CAPZB: variants seen among roughly 807,000 people sequenced by gnomAD.
CAPZB encodes capping actin protein of muscle Z-line subunit beta, also known as F-actin-capping protein subunit beta.
Under a neutral mutation model 38.1 loss-of-function variants are expected in CAPZB, and 2 were observed. The ratio of observed to expected loss-of-function variants is 0.05; its 90% CI spans 0.02 to 0.17. The LOEUF is 0.17. CAPZB is among the 10% of genes least tolerant of loss of function. The pLI, the probability that CAPZB is intolerant of heterozygous loss-of-function variation, is 1.00. For missense variants in CAPZB, 161 were observed against 334.2 expected (o/e 0.48, Z 4.04); for synonymous variants, 107 against 127.4 (o/e 0.84, Z 1.08).
rs577851250 is a variant in CAPZB, at chr1:19,379,252, C to T, written c.216-599G>A. Among the ~76,000 whole-genome samples the T allele has an allele frequency of 1.5e-4, 23 of 152,234 alleles. No homozygotes were observed. The East Asian group carries it at 4.1e-3, about 27-fold the overall frequency. ...TAGCTGGAATTGCAGGTGCAAGCCA[C>T]CAGGCCCAGCTAATTTTTGTATTTT... On this transcript the variant is annotated intron_variant, in intron 3 of 8. Coordinates refer to ENST00000264202, the MANE Select transcript of CAPZB (RefSeq NM_004930.5).
chr1:19,381,330 CAT>C (rs1486986710), intron 3 of CAPZB, among the ~76,000 whole-genome samples: 1 of 146,280 alleles, frequency 6.8e-6, no homozygotes, highest in African/African-American at 2.5e-5. Flanking sequence ...TCATGCCTGT[CAT>C]ATCCTTGCCC....
At chr1:19,385,827 G>C (rs2094201133) in intron 2 of CAPZB, 2 of 734,086 alleles carry the variant, frequency 2.7e-6, no homozygotes, top group Middle Eastern at 5.1e-4. Context: ...ACCCATTCTT[G>C]AATTACAGTG....
chr1:19,423,356 G>A (rs17398986), intron 1 of CAPZB, among the ~76,000 whole-genome samples: 23,891 of 151,806 alleles, frequency 0.16, 2,361 homozygotes, highest in South Asian at 0.24. Context: ...AAACGGTACC[G>A]GAGAATGAAG....
chr1:19,346,454 A>T (rs1345642503), intron 6 of CAPZB, among the ~76,000 whole-genome samples: 2 of 78,286 alleles, frequency 2.6e-5, no homozygotes, highest in Non-Finnish European at 5.8e-5. Flanking sequence ...AGAGAAGCTA[A>T]AAAAAAAAAA....
intron 1 of CAPZB, among the ~76,000 whole-genome samples, chr1:19,458,532 T>C (rs2100728277): frequency 6.6e-6 from 1 of 152,316 alleles, no homozygotes; most frequent in Admixed American, 6.5e-5. Context: ...TTTTTTGTAC[T>C]TTTAGTAGAG....
At chr1:19,477,714 C>T (rs1306287311) in intron 1 of CAPZB, among the ~76,000 whole-genome samples, 1 of 152,208 alleles carries the variant, frequency 6.6e-6, no homozygotes, top group Non-Finnish European at 1.5e-5. Context: ...TAATTGGAAG[C>T]TCCAGCAGAT....
intron 6 of CAPZB, among the ~76,000 whole-genome samples, chr1:19,355,104 T>A (rs1391293293): frequency 1.3e-5 from 2 of 151,862 alleles, no homozygotes; most frequent in East Asian, 3.9e-4. Context: ...GGAGGGAGGG[T>A]CCCAGGTATG....
intron 1 of CAPZB, among the ~76,000 whole-genome samples, chr1:19,467,775 C>G (rs2094573658): frequency 6.6e-6 from 1 of 152,228 alleles, no homozygotes; most frequent in African/African-American, 2.4e-5. Context: ...GCCCAAATGA[C>G]CAGGGCTGTT....
At chr1:19,426,993 C>T (rs2094425292) in intron 1 of CAPZB, among the ~76,000 whole-genome samples, 1 of 151,974 alleles carries the variant, frequency 6.6e-6, no homozygotes, top group African/African-American at 2.4e-5. Flanking sequence ...AGGAGGAGAG[C>T]CAAAGACTTT....
At chr1:19,376,756 C>T (rs1202849732) in intron 4 of CAPZB, among the ~76,000 whole-genome samples, 4 of 152,230 alleles carry the variant, frequency 2.6e-5, no homozygotes, top group Admixed American at 6.5e-5. Context: ...TCATCTACCA[C>T]GTACGAGGTG....
At chr1:19,370,429 G>A (rs2094113949) in intron 4 of CAPZB, among the ~76,000 whole-genome samples, 1 of 152,218 alleles carries the variant, frequency 6.6e-6, no homozygotes, top group South Asian at 2.1e-4. Flanking sequence ...CCAGGCACCA[G>A]CTTTCAACGT....
chr1:19,418,380 C>T (rs924584873), intron 2 of CAPZB, among the ~76,000 whole-genome samples: 1 of 152,092 alleles, frequency 6.6e-6, no homozygotes, highest in African/African-American at 2.4e-5. Context: ...GGCCGGGGAC[C>T]CCTGATCCTG....
At position 19,457,971 on chromosome 1, in the gene CAPZB, G is replaced by A. The variant is rs139139965; in HGVS notation, c.3+27465C>T. On this transcript the variant is annotated intron_variant, in intron 1 of 8. Transcript: ENST00000264202. ...GCCAGTAAGCAATGATGGTTGTAAG[G>A]ACTTCCTGATAATGTGGGAAAAGTC... 5.4e-3 allele frequency among the ~76,000 whole-genome samples: 824 copies of A among 152,146 alleles called. 3 individuals are homozygous for A. Among genetic ancestry groups the A allele is most frequent in the Non-Finnish European group, 7.7e-3 (521 of 68,004 alleles).
intron 1 of CAPZB, among the ~76,000 whole-genome samples, chr1:19,470,293 T>C (rs1377118905): frequency 1.3e-5 from 2 of 152,186 alleles, no homozygotes; most frequent in Non-Finnish European, 2.9e-5. Context: ...ACAACCACTT[T>C]CTCCAGTGTC....
At chr1:19,403,105 C>T (rs965799552) in intron 2 of CAPZB, among the ~76,000 whole-genome samples, 7 of 152,128 alleles carry the variant, frequency 4.6e-5, no homozygotes, top group Admixed American at 1.3e-4. Flanking sequence ...GGTTATCTGG[C>T]TCCCACCGTG....
chr1:19,469,675 T>C (rs6681041), intron 1 of CAPZB, among the ~76,000 whole-genome samples: 149,143 of 151,078 alleles, frequency 0.99, 73,647 homozygotes, highest in East Asian at 1. Flanking sequence ...AGAGAAAAAA[T>C]ACTCTACACT....
chr1:19,382,679 A>G (rs2100445525), intron 3 of CAPZB, among the ~76,000 whole-genome samples: 1 of 152,284 alleles, frequency 6.6e-6, no homozygotes, highest in East Asian at 1.9e-4. Context: ...GTGACCTGGA[A>G]GGGCTGCAGG....
chr1:19,425,049 C>T (rs2100543837), intron 1 of CAPZB, among the ~76,000 whole-genome samples: 1 of 152,360 alleles, frequency 6.6e-6, no homozygotes, highest in Non-Finnish European at 1.5e-5. Flanking sequence ...TCACAATACA[C>T]TGATTTGTAC....
intron 4 of CAPZB, among the ~76,000 whole-genome samples, chr1:19,361,140 G>T (rs1046816749): frequency 6.6e-5 from 10 of 152,142 alleles, no homozygotes; most frequent in African/African-American, 2.4e-4. Context: ...TAACAGCAAG[G>T]ATAGTATTCA....
Sources: gnomAD v4.1 joint callset for allele counts (sites outside exome capture counted in the v4.1 genomes callset) on GRCh38, gnomAD v4.1.1 for gene constraint, MANE v1.5 for transcripts, NCBI Gene and HGNC (gene_info 2026-07-23, HGNC 2026-07-21) for gene names.